DNAH7: variants seen among roughly 807,000 people sequenced by gnomAD.
The protein encoded by DNAH7 is dynein axonemal heavy chain 7.
Under a neutral mutation model 444.6 loss-of-function variants are expected in DNAH7, and 397 were observed. That is an observed-to-expected ratio of 0.89 (90% CI 0.82 to 0.97). The LOEUF (loss-of-function observed/expected upper bound fraction) is 0.97. DNAH7 is among the 50% of genes least tolerant of loss of function. The pLI is 0.00. For synonymous variants in DNAH7, 1,636 were observed against 1,624.4 expected (o/e 1.01, Z -0.17); for missense variants, 4,902 against 4,800.8 (o/e 1.02, Z -0.62).
intron 63 of DNAH7, among the ~76,000 whole-genome samples, chr2:195,748,400 G>C (rs1326050662): frequency 6.6e-6 from 1 of 152,164 alleles, no homozygotes; most frequent in Non-Finnish European, 1.5e-5. Flanking sequence ...CGTGAAAATG[G>C]CTGTACTGCC....
In DNAH7 at chr2:195,809,842, T is replaced by A; in HGVS notation, c.9791A>T (p.Tyr3264Phe). ...CCGGCAGACATTAACATACAGTGAA[T>A]AAGTAAAGTGATCCTTGAGAATCTG... is the stretch of plus-strand genomic sequence containing the variant. ...RLQILKDHFT[Y>F]SLYVNVCRSL... Residue 3264 changes from tyrosine to phenylalanine, a missense_variant, in exon 52 of 65, where the codon TAT becomes TTT. Tyr to Phe is a conservative substitution (Grantham distance 22). Coordinates refer to ENST00000312428, the MANE Select transcript of DNAH7 (RefSeq NM_018897.3). 6.3e-7 allele frequency: 1 copy of A among 1,581,872 alleles called. No individual in the cohort carries two copies. The highest frequency in any genetic ancestry group is 8.6e-7 in the Non-Finnish European group (1 of 1,163,928).
chr2:196,048,268 A>C (rs770125660), intron 4 of DNAH7, 28 bp downstream of exon 4: 7 of 1,547,056 alleles, frequency 4.5e-6, no homozygotes, highest in African/African-American at 2.7e-5. Flanking sequence ...TTATCCTTAA[A>C]TCTAATTTAG....
chr2:196,023,414 CT>C (rs1402129974), intron 8 of DNAH7, among the ~76,000 whole-genome samples: 1 of 152,234 alleles, frequency 6.6e-6, no homozygotes, highest in Non-Finnish European at 1.5e-5. Flanking sequence ...AACATAAGAA[CT>C]GCTTAACACA....
chr2:195,790,872 A>G (rs1695846270), intron 57 of DNAH7, among the ~76,000 whole-genome samples: 1 of 152,236 alleles, frequency 6.6e-6, no homozygotes, highest in Non-Finnish European at 1.5e-5. Flanking sequence ...GCTTCTGGAG[A>G]GCAAAAGAAA....
rs371465683 is a variant in DNAH7 at position 195,973,653 on chromosome 2, G to A, written c.1834-1187C>T. On this transcript the variant is annotated intron_variant, in intron 15 of 64. Coordinates refer to ENST00000312428, the MANE Select transcript of DNAH7 (RefSeq NM_018897.3). ...GTTTTTTGTTTGTTTTGTAATTTGA[G>A]TAGAGATGGGGTTTCACCACGTTGG... Among the ~76,000 whole-genome samples, 75 of 152,128 alleles carry A rather than the reference G, an allele frequency of 4.9e-4. 1 individual carries two copies. The South Asian group carries it at 0.015, about 31-fold the overall frequency.
intron 19 of DNAH7, among the ~76,000 whole-genome samples, chr2:195,955,965 TG>T (rs1016933936): frequency 6.6e-6 from 1 of 152,188 alleles, no homozygotes; most frequent in African/African-American, 2.4e-5. Flanking sequence ...TCTTTAAATA[TG>T]GAATTAATTC....
intron 19 of DNAH7, among the ~76,000 whole-genome samples, chr2:195,946,812 A>T (rs553142444): frequency 2.0e-5 from 3 of 151,960 alleles, no homozygotes; most frequent in Admixed American, 2.0e-4. Context: ...AGTAGTCTCC[A>T]TATCTCCCCA....
intron 36 of DNAH7, among the ~76,000 whole-genome samples, chr2:195,880,958 T>C (rs1344312778): frequency 2.0e-5 from 3 of 152,048 alleles, no homozygotes; most frequent in Non-Finnish European, 2.9e-5. Context: ...CATGGTGATA[T>C]CTTAGATAAA....
chr2:196,025,397 CAG>C (rs1317988764), intron 7 of DNAH7, among the ~76,000 whole-genome samples: 2 of 152,300 alleles, frequency 1.3e-5, no homozygotes, highest in East Asian at 1.9e-4. Flanking sequence ...TACAATCTTT[CAG>C]AGACTCTCCT....
chr2:196,054,673 T>C (rs191998197), intron 2 of DNAH7, among the ~76,000 whole-genome samples: 4 of 152,338 alleles, frequency 2.6e-5, no homozygotes, highest in African/African-American at 2.4e-5. Context: ...AAATCTCATC[T>C]TGAATTATAG....
intron 35 of DNAH7, among the ~76,000 whole-genome samples, chr2:195,882,974 C>T (rs1023161894): frequency 1.3e-5 from 2 of 152,100 alleles, no homozygotes; most frequent in African/African-American, 4.8e-5. Flanking sequence ...TCTTCAGGTA[C>T]AAGGCTGTGC....
At chr2:195,811,008 G>T (rs769830416) in intron 51 of DNAH7, among the ~76,000 whole-genome samples, 2 of 152,036 alleles carry the variant, frequency 1.3e-5, no homozygotes, top group Non-Finnish European at 2.9e-5. Context: ...AAAGATTGAA[G>T]GGAAATTATA....
At chr2:195,814,006 A>C (rs1697106910) in intron 51 of DNAH7, among the ~76,000 whole-genome samples, 1 of 152,192 alleles carries the variant, frequency 6.6e-6, no homozygotes, top group African/African-American at 2.4e-5. Context: ...GGCAAAAACT[A>C]ACCTGTGGTG....
intron 1 of DNAH7, among the ~76,000 whole-genome samples, chr2:196,065,301 A>G (rs972655394): frequency 2.6e-5 from 4 of 152,212 alleles, no homozygotes; most frequent in African/African-American, 7.2e-5. Context: ...AACATTTTGT[A>G]GTAGTCTTCA....
At chr2:195,897,605 A>T in intron 29 of DNAH7, 62 bp downstream of exon 29, 1 of 943,790 alleles carries the variant, frequency 1.1e-6, no homozygotes, top group Non-Finnish European at 1.7e-6. Context: ...TCACAACCTT[A>T]GACATGTGAT....
intron 9 of DNAH7, among the ~76,000 whole-genome samples, chr2:196,015,585 A>G (rs1694970650): frequency 6.6e-6 from 1 of 152,176 alleles, no homozygotes; most frequent in Non-Finnish European, 1.5e-5. Flanking sequence ...TACAAAGGCT[A>G]TCTATGACAT....
chr2:195,767,131 T>C (rs1224753683), intron 61 of DNAH7, among the ~76,000 whole-genome samples: 1 of 152,140 alleles, frequency 6.6e-6, no homozygotes, highest in Non-Finnish European at 1.5e-5. Context: ...TTGATATCTG[T>C]TCACTCTAAT....
At chr2:195,914,558 C>G (rs1687554358) in intron 24 of DNAH7, among the ~76,000 whole-genome samples, 2 of 145,636 alleles carry the variant, frequency 1.4e-5, no homozygotes, top group South Asian at 4.2e-4. Flanking sequence ...ACCACTTGCC[C>G]TGATTCATTT....
chr2:195,958,811 TC>T (rs1690877112), intron 18 of DNAH7, among the ~76,000 whole-genome samples: 2 of 152,112 alleles, frequency 1.3e-5, no homozygotes, highest in Non-Finnish European at 2.9e-5. Context: ...CATTGTAACA[TC>T]TATTTATCAA....
Sources: gnomAD v4.1 joint callset for allele counts (sites outside exome capture counted in the v4.1 genomes callset) on GRCh38, gnomAD v4.1.1 for gene constraint, MANE v1.5 for transcripts, NCBI Gene and HGNC (gene_info 2026-07-23, HGNC 2026-07-21) for gene names.